CDH18: variants seen among roughly 807,000 people sequenced by gnomAD.
The protein encoded by CDH18 is cadherin-18.
CDH18 carries 31 observed loss-of-function variants against 67.9 expected under a neutral mutation model. The ratio of observed to expected loss-of-function variants is 0.46; its 90% CI spans 0.34 to 0.62. The LOEUF is 0.62. CDH18 is among the 20% of genes least tolerant of loss of function. The pLI is 0.01. For missense variants in CDH18, 890 were observed against 975.5 expected, an observed-to-expected ratio of 0.91 and a Z score of 1.17; for synonymous variants, 362 against 347.2, an observed-to-expected ratio of 1.04 and a Z score of -0.48.
rs1276481844 is a variant in CDH18, at chr5:19,917,343, C to T, written c.-257+63717G>A. 2.7e-5 allele frequency among the ~76,000 whole-genome samples: 4 copies of T among 149,930 alleles called. No homozygotes were observed. The East Asian group carries it at 8.0e-4, about 30-fold the overall frequency. ...TGTTCTCAATTTTTTCTTTCCCCCC[C>T]CGCCCCCTTTTTTTTCTTTTCTGAT... On this transcript the variant is annotated intron_variant, in intron 2 of 12. Transcript: ENST00000382275.
chr5:20,076,601 G>A (rs1743963159), intron 2 of CDH18, among the ~76,000 whole-genome samples: 1 of 150,620 alleles, frequency 6.6e-6, no homozygotes. Context: ...ATTGTATATT[G>A]TGATTAAAGA....
chr5:20,145,147 C>T (rs1408779031), intron 2 of CDH18, among the ~76,000 whole-genome samples: 2 of 151,638 alleles, frequency 1.3e-5, no homozygotes, highest in Non-Finnish European at 2.9e-5. Context: ...AAATCTAGCC[C>T]TTTTTTAAAA....
chr5:20,481,237 C>T (rs749917794), intron 1 of CDH18, among the ~76,000 whole-genome samples: 19 of 150,108 alleles, frequency 1.3e-4, no homozygotes, highest in South Asian at 6.3e-4. Context: ...AGAGACAAAG[C>T]AGATCATTAT....
intron 2 of CDH18, among the ~76,000 whole-genome samples, chr5:20,098,503 C>G (rs1746179339): frequency 6.6e-6 from 1 of 152,044 alleles, no homozygotes; most frequent in Admixed American, 6.6e-5. Flanking sequence ...TTCCCAAATC[C>G]TGACAACCAG....
intron 5 of CDH18, among the ~76,000 whole-genome samples, chr5:19,621,570 T>G (rs1750704701): frequency 6.6e-6 from 1 of 152,164 alleles, no homozygotes; most frequent in Admixed American, 6.6e-5. Context: ...AATAAGCCAG[T>G]AACAGAACAA....
chr5:19,989,470 C>G (rs1269758459), upstream of CDH18, among the ~76,000 whole-genome samples: 1 of 152,170 alleles, frequency 6.6e-6, no homozygotes, highest in African/African-American at 2.4e-5. Context: ...AGCTTTTACC[C>G]TTCTCTGAGC....
chr5:20,498,884 G>T lies in CDH18; in HGVS notation c.-580+76578C>A, dbSNP rs114637951. ...TAAATTCTACATTTCATATTTCTAT[G>T]CTTAAAATGGTTGTAACTTAACAGA... On this transcript the variant is annotated intron_variant, in intron 1 of 14. Transcript: ENST00000507958. Among the ~76,000 whole-genome samples the T allele has an allele frequency of 3.1e-3, 465 of 152,056 alleles. 1 individual carries two copies. Among genetic ancestry groups the T allele is most frequent in the African/African-American group, 0.011 (447 of 41,508 alleles).
chr5:20,149,682 T>C (rs771968215), intron 2 of CDH18, among the ~76,000 whole-genome samples: 1 of 152,194 alleles, frequency 6.6e-6, no homozygotes, highest in Non-Finnish European at 1.5e-5. Context: ...ATTTTATGGA[T>C]ACTCACAAAT....
At chr5:19,626,774 T>C (rs559509459) in intron 5 of CDH18, among the ~76,000 whole-genome samples, 1 of 152,190 alleles carries the variant, frequency 6.6e-6, no homozygotes, top group African/African-American at 2.4e-5. Flanking sequence ...CTGAGGAAAA[T>C]TAAACATTTA....
chr5:20,508,000 T>C (rs1234777692), intron 1 of CDH18, among the ~76,000 whole-genome samples: 2 of 152,036 alleles, frequency 1.3e-5, no homozygotes, highest in Non-Finnish European at 2.9e-5. Context: ...ATTTAAGTGT[T>C]TTCCATTTAT....
chr5:20,189,373 T>G (rs1480843691), intron 2 of CDH18, among the ~76,000 whole-genome samples: 1 of 152,122 alleles, frequency 6.6e-6, no homozygotes, highest in Non-Finnish European at 1.5e-5. Context: ...TCTTCAGGAA[T>G]CTATCATGCA....
intron 2 of CDH18, among the ~76,000 whole-genome samples, chr5:20,252,860 C>T (rs1000822636): frequency 5.3e-5 from 8 of 151,334 alleles, no homozygotes; most frequent in African/African-American, 1.2e-4. Flanking sequence ...CTGCCTGAAC[C>T]GGGAGGCGGA....
chr5:20,295,361 G>A (rs1747404027), intron 1 of CDH18, among the ~76,000 whole-genome samples: 1 of 152,112 alleles, frequency 6.6e-6, no homozygotes, highest in Admixed American at 6.5e-5. Flanking sequence ...TAGACCCTTA[G>A]CAGACAATGA....
intron 1 of CDH18, among the ~76,000 whole-genome samples, chr5:20,294,399 T>C (rs547081529): frequency 6.6e-6 from 1 of 152,274 alleles, no homozygotes; most frequent in Non-Finnish European, 1.5e-5. Flanking sequence ...CACAAATATA[T>C]GCTGTTTGTT....
At chr5:20,306,982 A>G (rs989140279) in intron 1 of CDH18, among the ~76,000 whole-genome samples, 1 of 152,100 alleles carries the variant, frequency 6.6e-6, no homozygotes. Context: ...TCAAATAGAA[A>G]TTCTACTCAA....
At chr5:20,197,723 G>C (rs1024444625) in intron 2 of CDH18, among the ~76,000 whole-genome samples, 9 of 152,204 alleles carry the variant, frequency 5.9e-5, no homozygotes, top group African/African-American at 2.2e-4. Flanking sequence ...AGAGCATTAT[G>C]TGTTACATTG....
chr5:19,553,784 G>T (rs1324417600), intron 8 of CDH18, among the ~76,000 whole-genome samples: 1 of 151,850 alleles, frequency 6.6e-6, no homozygotes, highest in East Asian at 1.9e-4. Context: ...GGGACCATAG[G>T]TGTATGCCAC....
intron 2 of CDH18, among the ~76,000 whole-genome samples, chr5:20,011,810 G>T (rs1156765579): frequency 6.6e-6 from 1 of 152,064 alleles, no homozygotes; most frequent in Non-Finnish European, 1.5e-5. Context: ...ACCTGATTGT[G>T]GTGGATGAGC....
intron 1 of CDH18, among the ~76,000 whole-genome samples, chr5:20,358,040 G>A (rs1280454373): frequency 6.6e-6 from 1 of 152,114 alleles, no homozygotes; most frequent in African/African-American, 2.4e-5. Context: ...GCAAACTAGG[G>A]CAGAAACAGA....
Sources: gnomAD v4.1 joint callset for allele counts (sites outside exome capture counted in the v4.1 genomes callset) on GRCh38, gnomAD v4.1.1 for gene constraint, MANE v1.5 for transcripts, NCBI Gene and HGNC (gene_info 2026-07-23, HGNC 2026-07-21) for gene names.